Variants in TBC1D3 observed in about 807,000 individuals in gnomAD.
TBC1D3 encodes the protein Rab GTPase-activating protein PRC17.
At chr17:38,183,827 G>GACCCAGATGAAAGTCGAGAGT (rs2144067752) in intron 12 of TBC1D3, among the ~76,000 whole-genome samples, 151 bp from the exon 13 acceptor site, 1 of 22,620 alleles carries the variant, frequency 4.4e-5, no homozygotes, top group African/African-American at 7.5e-5. Flanking sequence ...TGTGGCTGGG[G>GACCCAGATGAAAGTCGAGAGT]GGCGATCCGG....
intron 1 of TBC1D3, among the ~76,000 whole-genome samples, chr17:38,191,986 A>G (rs2036242068): frequency 1.6e-5 from 1 of 61,650 alleles, no homozygotes; most frequent in African/African-American, 3.1e-5. Flanking sequence ...AGCGACCATC[A>G]GGACCCAGCT....
chr17:38,191,789 C>T (rs1477381144), intron 1 of TBC1D3, among the ~76,000 whole-genome samples: 32 of 23,226 alleles, frequency 1.4e-3, no homozygotes, highest in African/African-American at 1.7e-3. Context: ...AAAAGGAGGG[C>T]GAGGCCTCAA....
intron 1 of TBC1D3, among the ~76,000 whole-genome samples, chr17:38,192,038 C>T (rs1446020371): frequency 1.5e-5 from 1 of 67,258 alleles, no homozygotes; most frequent in African/African-American, 2.9e-5. Flanking sequence ...TGGCTCTGTA[C>T]CAGTGGCTCT....
intron 1 of TBC1D3, among the ~76,000 whole-genome samples, chr17:38,192,031 C>A (rs1255065968): frequency 0.77 from 50,889 of 66,276 alleles, 22,351 homozygotes; most frequent in East Asian, 1. Flanking sequence ...CCGTCAGTGG[C>A]TCTGTACCAG....
intron 12 of TBC1D3, 108 bp from the exon 13 acceptor site, chr17:38,183,784 GC>G: frequency 2.5e-6 from 1 of 398,622 alleles, no homozygotes; most frequent in Non-Finnish European, 4.5e-6. Context: ...TCCTTTTGTG[GC>G]CACCCCAGGT....
chr17:38,192,065 G>A (rs1401169727), intron 1 of TBC1D3, among the ~76,000 whole-genome samples: 2 of 66,326 alleles, frequency 3.0e-5, no homozygotes, highest in South Asian at 2.6e-3. Context: ...ACCAGGCTCT[G>A]CCCCATCGGG....
chr17:38,192,152 G>A (rs1352376729), intron 1 of TBC1D3, among the ~76,000 whole-genome samples: 2 of 38,388 alleles, frequency 5.2e-5, no homozygotes, highest in African/African-American at 7.8e-5. Context: ...CACAGCACAC[G>A]GCAGGGCTGA....
intron 1 of TBC1D3, among the ~76,000 whole-genome samples, chr17:38,191,977 G>A (rs1178305226): frequency 1.7e-5 from 1 of 59,800 alleles, no homozygotes; most frequent in Non-Finnish European, 6.8e-5. Context: ...GGGGCCCACA[G>A]CGACCATCAG....
chr17:38,192,235 C>T (rs1317101729), intron 1 of TBC1D3, among the ~76,000 whole-genome samples: 3 of 27,204 alleles, frequency 1.1e-4, no homozygotes, highest in African/African-American at 1.5e-4. Context: ...TCTCATCTGT[C>T]GAATGGGGAC....
intron 1 of TBC1D3, among the ~76,000 whole-genome samples, chr17:38,191,832 G>A (rs2036240987): frequency 3.7e-5 from 1 of 26,866 alleles, no homozygotes; most frequent in African/African-American, 4.9e-5. Context: ...TACCTGGGGA[G>A]AACCCTAGTG....
chr17:38,186,789 G>C (rs1185976824), intron 7 of TBC1D3, among the ~76,000 whole-genome samples: 42 of 35,824 alleles, frequency 1.2e-3, no homozygotes, highest in South Asian at 3.4e-3. Flanking sequence ...ACAGTGACTT[G>C]CCTGATCCTT....
chr17:38,192,098 G>A (rs1443377754), intron 1 of TBC1D3, among the ~76,000 whole-genome samples: 3 of 60,146 alleles, frequency 5.0e-5, no homozygotes, highest in African/African-American at 9.2e-5. Flanking sequence ...GGCAGATTTG[G>A]GATCTAGGGC....
At position 38,185,861 on chromosome 17, in the gene TBC1D3, C is replaced by T; in HGVS notation, c.667+7G>A. 4.7e-5 allele frequency: 2 copies of T among 42,670 alleles called. 1 individual carries two copies. The highest frequency in any genetic ancestry group is 2.0e-4 in the African/African-American group (2 of 10,238). The allele number at this position is 42,670 out of a possible 1,614,324, so 2.6% of individuals were successfully genotyped here. A position where few individuals can be genotyped will look rare whatever the true frequency, so the allele number is the denominator to read the frequency against. On this transcript the variant is annotated splice_region_variant and intron_variant, in intron 9 of 13. Coordinates refer to ENST00000620215, the MANE Select transcript of TBC1D3 (RefSeq NM_001123391.4). ...GCAGGAGGTCCCCGGGGCAGCTGTT[C>T]ACTTACCCTGCAGGGAGTGCCTCTC...
chr17:38,191,838 T>A (rs1481528912), intron 1 of TBC1D3, among the ~76,000 whole-genome samples: 3 of 27,088 alleles, frequency 1.1e-4, no homozygotes, highest in African/African-American at 1.5e-4. Flanking sequence ...GGGAGAACCC[T>A]AGTGCCCGGA....
chr17:38,192,085 C>T (rs2036242876), intron 1 of TBC1D3, among the ~76,000 whole-genome samples: 1 of 63,286 alleles, frequency 1.6e-5, no homozygotes, highest in African/African-American at 3.0e-5. Context: ...GATGGGAAAC[C>T]TGGGCAGATT....
chr17:38,192,042 TGGCTCTGCCAGGACCA>T lies in TBC1D3; in HGVS notation c.-2+387_-2+402del, dbSNP rs2036242495. 3.0e-5 allele frequency among the ~76,000 whole-genome samples: 2 copies of T among 67,136 alleles called. 1 individual carries two copies. The highest frequency in any genetic ancestry group is 3.4e-4 in the Admixed American group (2 of 5,930). The allele number at this position is 67,136 out of a possible 152,430, so 44.0% of individuals were successfully genotyped here. A position where few individuals can be genotyped will look rare whatever the true frequency, so the allele number is the denominator to read the frequency against. On this transcript the variant is annotated intron_variant, in intron 1 of 13. Transcript: ENST00000620215. Reference sequence around the variant, plus strand: ...AGGACCGTCAGTGGCTCTGTACCAGTGGCTCTGCCAGGACCAGGCTCTGCCCCATCGGGATGGGAAA... The same window carrying T: ...AGGACCGTCAGTGGCTCTGTACCAGTGGCTCTGCCCCATCGGGATGGGAAA...
At chr17:38,186,836 C>T (rs1432754160) in intron 7 of TBC1D3, among the ~76,000 whole-genome samples, 2 of 24,946 alleles carry the variant, frequency 8.0e-5, no homozygotes, top group African/African-American at 1.8e-4. Context: ...TTTCAGTTTG[C>T]ATACACGCCA....
At chr17:38,183,835 CGGA>C (rs2036217552) in intron 12 of TBC1D3, among the ~76,000 whole-genome samples, 159 bp from the exon 13 acceptor site, 8 of 18,202 alleles carry the variant, frequency 4.4e-4, no homozygotes, top group African/African-American at 7.2e-4. Context: ...GGGGGCGATC[CGGA>C]CAGGGAAGTG....
intron 1 of TBC1D3, among the ~76,000 whole-genome samples, chr17:38,192,058 A>G (rs1396402413): frequency 0.01 from 694 of 66,704 alleles, 145 homozygotes; most frequent in African/African-American, 0.019. Flanking sequence ...TGCCAGGACC[A>G]GGCTCTGCCC....
Sources: gnomAD v4.1 joint callset for allele counts (sites outside exome capture counted in the v4.1 genomes callset) on GRCh38, gnomAD v4.1.1 for gene constraint, MANE v1.5 for transcripts, NCBI Gene and HGNC (gene_info 2026-07-23, HGNC 2026-07-21) for gene names.